SMCO1: variants seen among roughly 807,000 people sequenced by gnomAD.
SMCO1 encodes the protein single-pass membrane and coiled-coil domain-containing protein 1.
Under a neutral mutation model 7.5 loss-of-function variants are expected in SMCO1, and 9 were observed. The ratio of observed to expected loss-of-function variants is 1.20; its 90% CI spans 0.72 to 2.09. The LOEUF (loss-of-function observed/expected upper bound fraction) is 2.09, where lower values mean the gene tolerates loss of function less well. SMCO1 is among the 30% of genes most tolerant of loss of function. The probability of loss-of-function intolerance (pLI) is 0.00; values close to 1 mark genes in which losing one functional copy is unlikely to be tolerated. For missense variants in SMCO1, 219 were observed against 253.1 expected (o/e 0.87, Z 0.91); for synonymous variants, 90 against 93.8 (o/e 0.96, Z 0.23).
chr3:196,517,926 CAT>C (rs1413594335), upstream of SMCO1, among the ~76,000 whole-genome samples: 1 of 152,238 alleles, frequency 6.6e-6, no homozygotes, highest in Non-Finnish European at 1.5e-5. Context: ...CCCCCGCAAA[CAT>C]TTCTTTTCTA....
intron 1 of SMCO1, among the ~76,000 whole-genome samples, chr3:196,512,666 T>C (rs56144237): frequency 0.34 from 51,419 of 151,494 alleles, 9,359 homozygotes; most frequent in Middle Eastern, 0.47. Context: ...CGCCACCACA[T>C]CCGGCTAATT....
rs1733097143 is a variant in SMCO1 at position 196,508,005 on chromosome 3, T to C, written c.527A>G (p.Gln176Arg). 5 of 1,614,070 alleles carry C rather than the reference T, an allele frequency of 3.1e-6. No individual in the cohort carries two copies. The South Asian group carries it at 5.5e-5, about 18-fold the overall frequency. Residue 176 changes from glutamine to arginine, a missense_variant, in exon 3 of 3, where the codon CAG (glutamine) becomes CGG (arginine). Gln to Arg is a conservative substitution (Grantham distance 43). Coordinates refer to ENST00000397537, the MANE Select transcript of SMCO1 (RefSeq NM_001077657.3). The part of the protein sequence containing the change: ...TFLITNMVKN[Q>R]ALQDSLLRAV... ...CCTCAGCAAACTGTCCTGCAGAGCCTGGTTCTTTACCATGTTAGTAATTAG... is the reference window on the plus strand; with the variant it reads ...CCTCAGCAAACTGTCCTGCAGAGCCCGGTTCTTTACCATGTTAGTAATTAG...
chr3:196,510,953 CG>C (rs1733204333), intron 1 of SMCO1, among the ~76,000 whole-genome samples: 1 of 152,204 alleles, frequency 6.6e-6, no homozygotes, highest in South Asian at 2.1e-4. Context: ...TGAGTAGCTC[CG>C]AACAGCCATG....
intron 1 of SMCO1, among the ~76,000 whole-genome samples, chr3:196,511,828 G>T (rs1312259422): frequency 7.3e-6 from 1 of 136,488 alleles, no homozygotes; most frequent in Non-Finnish European, 1.5e-5. Context: ...GGGCCGCCTA[G>T]ATTGTTGTTA....
upstream of SMCO1, among the ~76,000 whole-genome samples, chr3:196,516,076 T>C (rs1733384588): frequency 7.1e-6 from 1 of 140,864 alleles, no homozygotes; most frequent in African/African-American, 2.5e-5. Flanking sequence ...ATATATAATT[T>C]ATATCGTATA....
chr3:196,516,963 G>A (rs1733402504), upstream of SMCO1, among the ~76,000 whole-genome samples: 1 of 151,892 alleles, frequency 6.6e-6, no homozygotes, highest in African/African-American at 2.4e-5. Flanking sequence ...GCTGGGCATG[G>A]TGGCACACAC....
chr3:196,507,925 A>C lies in SMCO1; in HGVS notation c.607T>G (p.Ser203Ala). ...GATGGTATCAACTCTTCGAGGGATG[A>C]CTTTTGCTTTTCAGGGGTCCTAACT... ...KAVRTPEKQK[S>A]SLEELIPSVK... Residue 203 changes from serine to alanine, a missense_variant, in exon 3 of 3, where the codon TCA becomes GCA. By Grantham distance (99) the Ser-to-Ala change is moderately conservative. Coordinates refer to ENST00000397537, the MANE Select transcript of SMCO1 (RefSeq NM_001077657.3). The C allele has an allele frequency of 6.2e-7, 1 of 1,613,868 alleles. No homozygotes were observed. Among genetic ancestry groups the C allele is most frequent in the Non-Finnish European group, 8.5e-7 (1 of 1,179,886 alleles).
chr3:196,519,942 GA>G, upstream of SMCO1, among the ~76,000 whole-genome samples: 1 of 152,016 alleles, frequency 6.6e-6, no homozygotes, highest in Middle Eastern at 3.4e-3. Flanking sequence ...AGTCGGGGGG[GA>G]CGCTCCCACT....
At position 196,507,871 on chromosome 3, in the gene SMCO1, G is replaced by A; in HGVS notation, c.*16C>T. 2.6e-6 allele frequency: 4 copies of A among 1,524,660 alleles called. No individual in the cohort carries two copies. The South Asian group carries it at 4.6e-5, about 18-fold the overall frequency. The allele number at this position is 1,524,660 out of a possible 1,614,324, so 94.4% of individuals were successfully genotyped here. A position where few individuals can be genotyped will look rare whatever the true frequency, so the allele number is the denominator to read the frequency against. On this transcript the variant is annotated 3_prime_UTR_variant, in exon 3 of 3. Transcript: ENST00000397537. ...AAATTACTGTAGGTGGAATCACTGG[G>A]TCATAGGGTAACAGGTTAGTTTTTG...
rs538192485 is a variant in SMCO1, at chr3:196,508,674, C to T, written c.201-343G>A. Among the ~76,000 whole-genome samples the T allele has an allele frequency of 1.9e-4, 29 of 150,310 alleles. 1 individual carries two copies. In the South Asian group the frequency reaches 5.5e-3, roughly 28 times the overall value. Reference sequence around the variant, plus strand: ...GCAGATAGGCTGGGCGTGGTGCTCACGCCTGTAATCCCAGCACTGTGGGAG... The same window carrying T: ...GCAGATAGGCTGGGCGTGGTGCTCATGCCTGTAATCCCAGCACTGTGGGAG... On this transcript the variant is annotated intron_variant, in intron 2 of 2. Transcript: ENST00000397537.
At chr3:196,515,419 G>A, upstream of SMCO1, 1 of 555,084 alleles carries the variant, frequency 1.8e-6, no homozygotes. Context: ...CTTATCTCGT[G>A]GACACAGGTG....
intron 2 of SMCO1, among the ~76,000 whole-genome samples, chr3:196,508,783 A>C (rs964269241): frequency 1.3e-5 from 2 of 149,840 alleles, no homozygotes; most frequent in African/African-American, 4.9e-5. Context: ...CTAAAAATAC[A>C]AAAATTAGCT....
upstream of SMCO1, chr3:196,515,381 C>G: frequency 1.7e-6 from 1 of 591,344 alleles, no homozygotes; most frequent in Non-Finnish European, 3.0e-6. Flanking sequence ...TTTTAATAGC[C>G]TGCAGATCCA....
intron 1 of SMCO1, among the ~76,000 whole-genome samples, chr3:196,511,892 GCGCC>G (rs1733245882): frequency 7.4e-6 from 1 of 135,734 alleles, no homozygotes; most frequent in Non-Finnish European, 1.5e-5. Flanking sequence ...AAACTTGCCT[GCGCC>G]AAGTAGATTG....
chr3:196,515,065 T>G (rs552443946), intron 1 of SMCO1, 95 bp downstream of exon 1: 1 of 1,399,824 alleles, frequency 7.1e-7, no homozygotes, highest in Non-Finnish European at 1.0e-6. Context: ...AATGAGCATG[T>G]CTGCAGTTCT....
At chr3:196,519,339 G>A (rs1046291371), upstream of SMCO1, among the ~76,000 whole-genome samples, 3 of 152,208 alleles carry the variant, frequency 2.0e-5, no homozygotes, top group Admixed American at 6.5e-5. Context: ...AGCCAACAGC[G>A]CCACCTCGTG....
chr3:196,513,954 A>G (rs1733318227), intron 1 of SMCO1, among the ~76,000 whole-genome samples: 1 of 152,078 alleles, frequency 6.6e-6, no homozygotes, highest in Admixed American at 6.6e-5. Context: ...ATAATTCTCA[A>G]CTTTTTTCTT....
intron 1 of SMCO1, among the ~76,000 whole-genome samples, chr3:196,510,144 A>G (rs1424565048): frequency 6.6e-6 from 1 of 152,020 alleles, no homozygotes; most frequent in Non-Finnish European, 1.5e-5. Flanking sequence ...TTTTTAAAAA[A>G]TATTTTTTGT....
At position 196,509,631 on chromosome 3, in the gene SMCO1, T is replaced by C. The variant is rs1206839699; in HGVS notation, c.89A>G (p.Lys30Arg). The C allele has an allele frequency of 1.9e-6, 3 of 1,614,010 alleles. No individual in the cohort carries two copies. The African/African-American group carries it at 4.0e-5, about 22-fold the overall frequency. Residue 30 changes from lysine (K) to arginine (R), a missense_variant, in exon 2 of 3, where the codon AAA becomes AGA. Transcript: ENST00000397537. ...HKLQALETQFKELDFTKDNLM... is the reference protein window; with the variant it reads ...HKLQALETQFRELDFTKDNLM... ...GTTATCCTTGGTGAAGTCTAGTTCT[T>C]TGAACTGTGTTTCTAACGCTTGGAG...
Sources: gnomAD v4.1 joint callset for allele counts (sites outside exome capture counted in the v4.1 genomes callset) on GRCh38, gnomAD v4.1.1 for gene constraint, MANE v1.5 for transcripts, NCBI Gene and HGNC (gene_info 2026-07-23, HGNC 2026-07-21) for gene names.